AVEN: variants seen among roughly 807,000 people sequenced by gnomAD.
AVEN encodes cell death regulator Aven.
A neutral mutation model predicts 38.1 loss-of-function variants in AVEN; 41 were observed. That is an observed-to-expected ratio of 1.08 (90% confidence interval 0.84 to 1.40). The LOEUF is 1.40. Ranked by LOEUF, AVEN falls within the 40% of genes most tolerant of loss-of-function variation. AVEN has a pLI of 0.00. For synonymous variants in AVEN, 206 were observed against 171.8 expected (o/e 1.20, Z -1.56); for missense variants, 605 against 438.8 (o/e 1.38, Z -3.38).
At chr15:34,014,394 A>AAAAAAC (rs1897785921) in intron 1 of AVEN, among the ~76,000 whole-genome samples, 1 of 125,534 alleles carries the variant, frequency 8.0e-6, no homozygotes, top group African/African-American at 2.7e-5. Context: ...ACAAAAACAA[A>AAAAAAC]AACCACGTTT....
downstream of AVEN, chr15:33,858,010 G>C: frequency 2.7e-6 from 4 of 1,475,648 alleles, no homozygotes; most frequent in Non-Finnish European, 3.7e-6. Flanking sequence ...GGGTGCTCTT[G>C]AGAACTGTAG....
intron 5 of AVEN, among the ~76,000 whole-genome samples, chr15:34,056,626 A>C (rs1320289423): frequency 6.6e-6 from 1 of 152,220 alleles, no homozygotes; most frequent in Non-Finnish European, 1.5e-5. Flanking sequence ...GTCTATGAGC[A>C]GACTCTGAGG....
At chr15:33,937,047 C>T (rs951382834) in intron 2 of AVEN, among the ~76,000 whole-genome samples, 4 of 142,430 alleles carry the variant, frequency 2.8e-5, no homozygotes, top group African/African-American at 7.8e-5. Flanking sequence ...AGGAGAATGG[C>T]GTGAACCCAG....
downstream of AVEN, among the ~76,000 whole-genome samples, chr15:33,863,759 T>G (rs148176514): frequency 5.6e-4 from 85 of 152,344 alleles, no homozygotes; most frequent in African/African-American, 1.9e-3. Flanking sequence ...TTCAATTCAA[T>G]TCTACATTTT....
chr15:33,901,692 A>G (rs114749629), intron 2 of AVEN, among the ~76,000 whole-genome samples: 117 of 152,288 alleles, frequency 7.7e-4, no homozygotes, highest in African/African-American at 2.7e-3. Context: ...TGACTTTTTT[A>G]TAACAGCCAT....
intron 1 of AVEN, among the ~76,000 whole-genome samples, chr15:34,034,538 T>C (rs1461655949): frequency 6.6e-6 from 1 of 152,192 alleles, no homozygotes; most frequent in African/African-American, 2.4e-5. Flanking sequence ...GGAAATTTTA[T>C]ATTTTGAAAT....
chr15:33,917,056 C>T (rs1431311649), intron 2 of AVEN, among the ~76,000 whole-genome samples: 4 of 152,104 alleles, frequency 2.6e-5, no homozygotes, highest in African/African-American at 9.7e-5. Flanking sequence ...CACTGGGTCT[C>T]TCCCACAACC....
At chr15:33,949,814 T>C (rs1156877322) in intron 2 of AVEN, among the ~76,000 whole-genome samples, 3 of 152,152 alleles carry the variant, frequency 2.0e-5, no homozygotes, top group African/African-American at 7.2e-5. Context: ...TGGAGGTTCC[T>C]CAAAATATTA....
Position 33,866,728 on chromosome 15 carries a change from ACT to A in AVEN, c.974-2_974-1del, listed in dbSNP as rs751429907. The A allele has an allele frequency of 3.7e-6, 6 of 1,608,740 alleles. No homozygotes were observed. In the African/African-American group the frequency reaches 8.0e-5, roughly 22 times the overall value. The stretch of plus-strand genomic sequence containing the variant: ...TTCAGTCACAGATGGTTTTGCACAA[ACT>A]GGGGGAAAAAAAACAATGTTAACAC... On this transcript the variant is annotated splice_acceptor_variant, in intron 5 of 5. Transcript: ENST00000306730. LOFTEE classifies it high-confidence loss of function.
the AVEN span, chr15:33,852,198 T>C: frequency 6.6e-6 from 1 of 152,082 alleles, no homozygotes. Context: ...TAAGAATGCA[T>C]GCACCAAAGG....
chr15:34,036,126 T>C (rs1239340083), intron 1 of AVEN, among the ~76,000 whole-genome samples: 1 of 151,940 alleles, frequency 6.6e-6, no homozygotes, highest in African/African-American at 2.4e-5. Context: ...AAGTTAATGA[T>C]TGTATCTAGT....
At chr15:33,996,584 C>T (rs982134062) in intron 2 of AVEN, among the ~76,000 whole-genome samples, 17 of 152,348 alleles carry the variant, frequency 1.1e-4, no homozygotes, top group African/African-American at 3.6e-4. Context: ...GGACCTCCCA[C>T]AAACTCCAAC....
Position 33,902,475 on chromosome 15 carries a change from ATCATAATCAACAGG to A in AVEN, c.446-26494_446-26481del, listed in dbSNP as rs554444849. On this transcript the variant is annotated intron_variant, in intron 2 of 5. Transcript: ENST00000306730. ...CACTCATGAAAAACATACAACTAAC[ATCATAATCAACAGG>A]AAACAAATGAAAACTATTCCACTAA... Among the ~76,000 whole-genome samples, 18 of 152,352 alleles carry A rather than the reference ATCATAATCAACAGG, an allele frequency of 1.2e-4. 1 individual carries two copies. The South Asian group carries it at 3.7e-3, about 32-fold the overall frequency.
At chr15:33,880,805 G>C (rs1442394468) in intron 2 of AVEN, among the ~76,000 whole-genome samples, 1 of 152,018 alleles carries the variant, frequency 6.6e-6, no homozygotes, top group Admixed American at 6.6e-5. Context: ...AGATATTGGG[G>C]ACATGAGACA....
the AVEN span, chr15:33,852,953 C>A: frequency 4.5e-6 from 5 of 1,106,276 alleles, no homozygotes; most frequent in African/African-American, 3.1e-5. Context: ...CCAGAAAGAT[C>A]CCAGATCCAG....
chr15:33,988,087 G>A (rs542667634), intron 2 of AVEN, among the ~76,000 whole-genome samples: 3 of 152,310 alleles, frequency 2.0e-5, no homozygotes, highest in Admixed American at 6.5e-5. Context: ...CAAGCCTTGG[G>A]GCTTCTGTCC....
At chr15:33,877,026 T>A (rs1891261692) in intron 2 of AVEN, among the ~76,000 whole-genome samples, 1 of 152,168 alleles carries the variant, frequency 6.6e-6, no homozygotes, top group Non-Finnish European at 1.5e-5. Flanking sequence ...AACCAATCCA[T>A]AAGAAATAAG....
At position 34,004,950 on chromosome 15, in the gene AVEN, T is replaced by C. The variant is rs116921733; in HGVS notation, c.268-1741A>G. Among the ~76,000 whole-genome samples, 1,502 of 151,328 alleles carry C rather than the reference T, an allele frequency of 9.9e-3. 24 individuals are homozygous for C. The highest frequency in any genetic ancestry group is 0.045 in the Admixed American group (675 of 15,154). ...AAATTATTAAAACAACTCATCTGTA[T>C]AGGATGGGTTAGTGTGGACTTAAAA... On this transcript the variant is annotated intron_variant, in intron 1 of 5. Coordinates refer to ENST00000306730, the MANE Select transcript of AVEN (RefSeq NM_020371.3).
At chr15:33,939,559 A>T (rs546557147) in intron 2 of AVEN, among the ~76,000 whole-genome samples, 1 of 152,330 alleles carries the variant, frequency 6.6e-6, no homozygotes, top group South Asian at 2.1e-4. Context: ...AAATTATCAA[A>T]CTACGAACCA....
Sources: gnomAD v4.1 joint callset for allele counts (sites outside exome capture counted in the v4.1 genomes callset) on GRCh38, gnomAD v4.1.1 for gene constraint, MANE v1.5 for transcripts, NCBI Gene and HGNC (gene_info 2026-07-23, HGNC 2026-07-21) for gene names.